Variants in APBA2 observed in about 807,000 individuals in gnomAD.
The protein encoded by APBA2 is amyloid beta precursor protein binding family A member 2.
A neutral mutation model predicts 75.0 loss-of-function variants in APBA2; 30 were observed. The observed-to-expected ratio is 0.40, with a 90% CI of 0.30 to 0.54. The LOEUF is 0.54. Among genes scored for constraint, APBA2 ranks in the 20% least tolerant of loss-of-function variants. The pLI is 0.49. For missense variants in APBA2, 801 were observed against 1,016.1 expected, an observed-to-expected ratio of 0.79 and a Z score of 2.88; for synonymous variants, 444 against 409.6, an observed-to-expected ratio of 1.08 and a Z score of -1.01.
intron 3 of APBA2, among the ~76,000 whole-genome samples, chr15:29,051,512 G>T (rs147371051): frequency 1.5e-3 from 232 of 152,306 alleles, no homozygotes; most frequent in Non-Finnish European, 2.6e-3. Context: ...TGTCCTTGGA[G>T]TGAATTCACA....
intron 1 of APBA2, among the ~76,000 whole-genome samples, chr15:28,915,100 T>TATACAC: frequency 1.6e-5 from 1 of 63,860 alleles, no homozygotes; most frequent in Non-Finnish European, 3.1e-5. Flanking sequence ...AAACATACCA[T>TATACAC]ACCCACCTCA....
rs573443776 is a variant in APBA2, at chr15:28,962,572, T to A, written c.-94-33181T>A. ...GACAGTGAGACTCCGTCTCAAAAAA[T>A]AATAATAATAGTAATAATAATAATA... On this transcript the variant is annotated intron_variant, in intron 2 of 14. Transcript: ENST00000683413. 5.9e-5 allele frequency among the ~76,000 whole-genome samples: 9 copies of A among 151,904 alleles called. No individual in the cohort carries two copies. In the South Asian group the frequency reaches 1.7e-3, roughly 28 times the overall value.
chr15:29,050,167 G>C (rs1298528024), intron 3 of APBA2, among the ~76,000 whole-genome samples: 1 of 152,164 alleles, frequency 6.6e-6, no homozygotes, highest in East Asian at 1.9e-4. Flanking sequence ...AAGGTAAAAA[G>C]AATCTGAATA....
At chr15:29,064,993 G>A (rs980983436) in intron 4 of APBA2, among the ~76,000 whole-genome samples, 1 of 151,416 alleles carries the variant, frequency 6.6e-6, no homozygotes, top group Admixed American at 6.6e-5. Context: ...CCAGCAAGCC[G>A]AGGTGCTCAT....
chr15:29,091,267 A>G (rs574973388), intron 6 of APBA2, among the ~76,000 whole-genome samples: 1 of 152,250 alleles, frequency 6.6e-6, no homozygotes, highest in South Asian at 2.1e-4. Flanking sequence ...TTAGATGCAC[A>G]GGGGAGGGAT....
intron 1 of APBA2, among the ~76,000 whole-genome samples, chr15:28,898,700 A>G (rs1262351278): frequency 1.3e-5 from 2 of 152,222 alleles, no homozygotes; most frequent in African/African-American, 2.4e-5. Context: ...ATTTCAAGAA[A>G]AAGTATAAAA....
intron 14 of APBA2, among the ~76,000 whole-genome samples, 155 bp downstream of exon 14, chr15:29,114,171 C>G (rs564819967): frequency 6.6e-6 from 1 of 152,226 alleles, no homozygotes. Flanking sequence ...GTGAATGGAG[C>G]GGCAGGTGAT....
rs140465228 is a variant in APBA2 at position 29,052,975 on chromosome 15, A to C, written c.-40-870A>C. 2.0e-5 allele frequency among the ~76,000 whole-genome samples: 3 copies of C among 152,284 alleles called. No homozygotes were observed. The East Asian group carries it at 5.8e-4, about 29-fold the overall frequency. On this transcript the variant is annotated intron_variant, in intron 3 of 14. Transcript: ENST00000683413. ...GCCCTCATGACCTAATCACCTTTCA[A>C]AGGTCCCACCTCTCAACACTGTTGC... is the stretch of plus-strand genomic sequence containing the variant.
intron 6 of APBA2, among the ~76,000 whole-genome samples, chr15:29,084,171 T>C (rs532868671): frequency 2.1e-4 from 32 of 152,358 alleles, no homozygotes; most frequent in Admixed American, 3.9e-4. Context: ...TTTTTAAAAA[T>C]AGATTTTTAG....
intron 3 of APBA2, among the ~76,000 whole-genome samples, chr15:29,011,436 C>T (rs1414207699): frequency 2.0e-5 from 3 of 151,268 alleles, no homozygotes; most frequent in African/African-American, 7.3e-5. Flanking sequence ...TCCATATTTT[C>T]TGGTTATATT....
chr15:29,110,563 C>G (rs566243256), intron 13 of APBA2, among the ~76,000 whole-genome samples: 2 of 152,160 alleles, frequency 1.3e-5, no homozygotes, highest in African/African-American at 4.8e-5. Flanking sequence ...TAGCCCTGCC[C>G]GGGATGAGTT....
chr15:28,955,266 C>T (rs16954816), intron 2 of APBA2, among the ~76,000 whole-genome samples: 4,636 of 152,066 alleles, frequency 0.03, 247 homozygotes, highest in African/African-American at 0.11. Flanking sequence ...GGTTTCATTG[C>T]CCCATAAACT....
chr15:29,056,136 C>T (rs2041875777), intron 4 of APBA2, among the ~76,000 whole-genome samples: 3 of 152,310 alleles, frequency 2.0e-5, no homozygotes, highest in African/African-American at 7.2e-5. Flanking sequence ...TAGCCAAGTT[C>T]TTGTCAAAGA....
intron 2 of APBA2, among the ~76,000 whole-genome samples, chr15:28,962,632 C>T (rs970914502): frequency 2.0e-5 from 3 of 151,780 alleles, no homozygotes; most frequent in South Asian, 2.1e-4. Context: ...AGGCTTGTCT[C>T]GAACTCCTGG....
intron 2 of APBA2, among the ~76,000 whole-genome samples, chr15:28,966,367 G>A (rs2152744999): frequency 6.6e-6 from 1 of 152,178 alleles, no homozygotes; most frequent in East Asian, 1.9e-4. Flanking sequence ...TATGTGTTTT[G>A]TGGTCTGGGG....
rs536675373 is a variant in APBA2, at chr15:29,106,827, C to A, written c.1917+8C>A. ...TGCCAAGGCATCATCAAGGTAGGCA[C>A]CCTGGGATCCTCCGCCCAGGGGTCA... is the stretch of plus-strand genomic sequence containing the variant. On this transcript the variant is annotated splice_region_variant and intron_variant, in intron 12 of 14. Coordinates refer to ENST00000683413, the MANE Select transcript of APBA2 (RefSeq NM_001353788.2). 22 of 1,611,660 alleles carry A rather than the reference C, an allele frequency of 1.4e-5. No homozygotes were observed. The South Asian group carries it at 2.0e-4, about 14-fold the overall frequency.
intron 2 of APBA2, among the ~76,000 whole-genome samples, chr15:28,948,930 C>CT (rs761712151): frequency 6.8e-6 from 1 of 147,064 alleles, no homozygotes; most frequent in Non-Finnish European, 1.5e-5. Flanking sequence ...GCGTCCAAGG[C>CT]TGCAGAGTTG....
chr15:29,002,999 A>G (rs1255783769), intron 3 of APBA2, among the ~76,000 whole-genome samples: 1 of 152,108 alleles, frequency 6.6e-6, no homozygotes, highest in Admixed American at 6.5e-5. Flanking sequence ...GCGTGGACAG[A>G]GGAAGCAGCG....
chr15:28,941,995 G>A (rs1186256137), intron 2 of APBA2, among the ~76,000 whole-genome samples: 6 of 152,282 alleles, frequency 3.9e-5, no homozygotes, highest in African/African-American at 9.6e-5. Context: ...TCCTGATCTC[G>A]TGATCCGCCC....
Sources: allele counts gnomAD v4.1 joint callset (sites outside exome capture counted in the v4.1 genomes callset), GRCh38; gene constraint gnomAD v4.1.1; transcripts MANE v1.5; gene names NCBI Gene and HGNC (gene_info 2026-07-23, HGNC 2026-07-21).